PDS5A: variants seen among roughly 807,000 people sequenced by gnomAD.
PDS5A encodes the protein sister chromatid cohesion protein PDS5 homolog A.
A neutral mutation model predicts 167.1 loss-of-function variants in PDS5A; 42 were observed. The observed-to-expected ratio is 0.25, with a 90% CI of 0.20 to 0.33. PDS5A has a LOEUF of 0.33. Ranked by LOEUF, PDS5A falls within the 10% of genes least tolerant of loss-of-function variation. The probability of loss-of-function intolerance (pLI) is 1.00; values close to 1 mark genes in which losing one functional copy is unlikely to be tolerated. For missense variants in PDS5A, 1,033 were observed against 1,605.9 expected, an observed-to-expected ratio of 0.64 and a Z score of 6.10; for synonymous variants, 553 against 554.6, an observed-to-expected ratio of 1.00 and a Z score of 0.04.
intron 2 of PDS5A, among the ~76,000 whole-genome samples, chr4:39,950,068 G>C (rs921921418): frequency 6.6e-6 from 1 of 151,762 alleles, no homozygotes; most frequent in Non-Finnish European, 1.5e-5. Flanking sequence ...ACCACGCTTG[G>C]CTTATTTTCT....
intron 2 of PDS5A, among the ~76,000 whole-genome samples, chr4:39,968,657 C>A (rs571376650): frequency 6.6e-6 from 1 of 151,610 alleles, no homozygotes; most frequent in Non-Finnish European, 1.5e-5. Flanking sequence ...GTCTCGAACT[C>A]CCGACCTCAG....
At position 39,917,131 on chromosome 4, in the gene PDS5A, C is replaced by T. The variant is rs1578737554; in HGVS notation, c.793G>A (p.Val265Ile). The change falls in exon 8 of 33, where the codon GTA becomes ATA. Residue 265 changes from valine (V) to isoleucine (I), a missense_variant. Val to Ile is a conservative substitution (Grantham distance 29). Transcript: ENST00000303538. ...RSSVSDLSEH[V>I]FDLIQELFAI... ...AAAAGTTCCTGAATCAGATCAAATA[C>T]ATGTTCTGACAAATCACTTACTGAT... 1.3e-6 allele frequency: 2 copies of T among 1,555,500 alleles called. No homozygotes were observed. Among genetic ancestry groups the T allele is most frequent in the East Asian group, 4.8e-5 (2 of 41,398 alleles).
intron 17 of PDS5A, among the ~76,000 whole-genome samples, chr4:39,884,173 C>T (rs541744298): frequency 4.6e-5 from 7 of 152,222 alleles, no homozygotes; most frequent in Non-Finnish European, 8.8e-5. Flanking sequence ...GTGATCTGCC[C>T]GCCTCGGCCT....
chr4:39,840,331 G>A (rs563744479), intron 31 of PDS5A, among the ~76,000 whole-genome samples: 18 of 152,256 alleles, frequency 1.2e-4, no homozygotes, highest in African/African-American at 4.1e-4. Flanking sequence ...AAAATTGGGC[G>A]GTATCGTTTA....
rs1723098663 is a variant in PDS5A, at chr4:39,904,034, A to G, written c.1385+6T>C. On this transcript the variant is annotated splice_donor_region_variant and intron_variant, in intron 12 of 32. Coordinates refer to ENST00000303538, the MANE Select transcript of PDS5A (RefSeq NM_001100399.2). Reference sequence around the variant, plus strand: ...CTCAACCATTCTACCAACATATTAAACTCACTTGTCGTCAATGCTGTTCTG... The same window carrying G: ...CTCAACCATTCTACCAACATATTAAGCTCACTTGTCGTCAATGCTGTTCTG... 1.3e-6 allele frequency: 2 copies of G among 1,569,200 alleles called. No homozygotes were observed. The highest frequency in any genetic ancestry group is 1.7e-6 in the Non-Finnish European group (2 of 1,155,684).
rs1358283800 is a variant in PDS5A, at chr4:39,924,841, G to A, written c.527+995C>T. Among the ~76,000 whole-genome samples, 3 of 152,200 alleles carry A rather than the reference G, an allele frequency of 2.0e-5. No homozygotes were observed. The East Asian group carries it at 5.8e-4, about 29-fold the overall frequency. ...CAAAAAACAAACCAGGCTGGGTGTG[G>A]TAGCTCACACCTGTAAACCCAGCAC... On this transcript the variant is annotated intron_variant, in intron 5 of 32. Transcript: ENST00000303538.
intron 23 of PDS5A, 86 bp from the exon 24 acceptor site, chr4:39,863,545 C>T: frequency 1.2e-6 from 1 of 867,856 alleles, no homozygotes; most frequent in East Asian, 2.6e-5. Flanking sequence ...AATGTAAGGT[C>T]CTTAGAGCAT....
At chr4:39,961,714 G>A (rs1220762448) in intron 2 of PDS5A, among the ~76,000 whole-genome samples, 3 of 152,084 alleles carry the variant, frequency 2.0e-5, no homozygotes, top group African/African-American at 7.2e-5. Flanking sequence ...ATTTTAATGT[G>A]CCAATAACCT....
intron 29 of PDS5A, among the ~76,000 whole-genome samples, chr4:39,845,122 T>C (rs1717475028): frequency 6.6e-6 from 1 of 151,992 alleles, no homozygotes; most frequent in African/African-American, 2.4e-5. Context: ...GCATGAGAAT[T>C]GCCTGAACCC....
intron 32 of PDS5A, among the ~76,000 whole-genome samples, chr4:39,835,533 G>GT (rs1207788755): frequency 1.3e-5 from 2 of 151,990 alleles, no homozygotes; most frequent in Non-Finnish European, 2.9e-5. Context: ...TTGTCTTTCT[G>GT]TTTTTTTGAG....
intron 21 of PDS5A, among the ~76,000 whole-genome samples, chr4:39,870,587 CAAAATAAAATAAAAT>C (rs57432451): frequency 2.0e-5 from 3 of 148,686 alleles, no homozygotes; most frequent in Admixed American, 6.8e-5. Context: ...GACCATGTCT[CAAAATAAAATAAAAT>C]AAAATAAAAT....
Position 39,844,736 on chromosome 4 carries a change from A to G in PDS5A, c.3468T>C (p.Tyr1156=). The part of the protein sequence containing the change: ...KPLSATGRKP[Y]VRSTGTETGS... Reference sequence around the variant, plus strand: ...CAGTCTCAGTGCCAGTGCTTCTAACATAGGGTTTCCTTCCCGTTGCTGATA... The same window carrying G: ...CAGTCTCAGTGCCAGTGCTTCTAACGTAGGGTTTCCTTCCCGTTGCTGATA... The change falls in exon 30 of 33, where the codon TAT becomes TAC. Residue 1156 remains tyrosine (Y), a synonymous_variant. Transcript: ENST00000303538. The G allele has an allele frequency of 6.2e-7, 1 of 1,613,682 alleles. No individual in the cohort carries two copies. Among genetic ancestry groups the G allele is most frequent in the Non-Finnish European group, 8.5e-7 (1 of 1,179,650 alleles).
At chr4:39,923,638 A>AACACACACACACACACACACAC (rs10664167) in intron 5 of PDS5A, among the ~76,000 whole-genome samples, 4,309 of 125,028 alleles carry the variant, frequency 0.034, 123 homozygotes, top group Non-Finnish European at 0.05. Context: ...CCTGTCTCAA[A>AACACACACACACACACACACAC]ACACACACAC....
At chr4:39,949,141 A>C (rs1450093380) in intron 2 of PDS5A, among the ~76,000 whole-genome samples, 1 of 146,680 alleles carries the variant, frequency 6.8e-6, no homozygotes, top group African/African-American at 2.5e-5. Context: ...AAAAACACCA[A>C]AAAAAAAAAA....
At chr4:39,909,636 TTAAA>T (rs1293776486) in intron 10 of PDS5A, among the ~76,000 whole-genome samples, 1 of 152,204 alleles carries the variant, frequency 6.6e-6, no homozygotes, top group Admixed American at 6.5e-5. Context: ...CAAAAAATTC[TTAAA>T]TAATTTATAA....
intron 2 of PDS5A, among the ~76,000 whole-genome samples, chr4:39,938,564 T>C (rs1726878236): frequency 6.6e-6 from 1 of 151,638 alleles, no homozygotes. Flanking sequence ...AAAAAATACA[T>C]ATATATATAT....
intron 11 of PDS5A, among the ~76,000 whole-genome samples, chr4:39,906,589 T>TA (rs146506103): frequency 0.025 from 3,633 of 144,180 alleles, 148 homozygotes; most frequent in East Asian, 0.18. Flanking sequence ...AAAATAATAG[T>TA]AAAAAAAAAT....
intron 11 of PDS5A, among the ~76,000 whole-genome samples, chr4:39,908,070 TAAG>T (rs1723552841): frequency 6.6e-6 from 1 of 152,212 alleles, no homozygotes; most frequent in Non-Finnish European, 1.5e-5. Context: ...ATGTTAACTA[TAAG>T]AATAGACGAT....
At chr4:39,938,349 G>C (rs925225008) in intron 2 of PDS5A, among the ~76,000 whole-genome samples, 1 of 152,110 alleles carries the variant, frequency 6.6e-6, no homozygotes, top group African/African-American at 2.4e-5. Context: ...GAGGTCAGGA[G>C]TTGAAGACCA....
Sources: allele counts gnomAD v4.1 joint callset (sites outside exome capture counted in the v4.1 genomes callset), GRCh38; gene constraint gnomAD v4.1.1; transcripts MANE v1.5; gene names NCBI Gene and HGNC (gene_info 2026-07-23, HGNC 2026-07-21).